SYTL2: variants seen among roughly 807,000 people sequenced by gnomAD.
SYTL2 encodes the protein synaptotagmin-like protein 2.
A neutral mutation model predicts 198.7 loss-of-function variants in SYTL2; 165 were observed. That is an observed-to-expected ratio of 0.83 (90% confidence interval 0.73 to 0.94). The LOEUF (loss-of-function observed/expected upper bound fraction) is 0.94, where lower values mean the gene tolerates loss of function less well. SYTL2 is among the 40% of genes least tolerant of loss of function. SYTL2 has a pLI of 0.00. For synonymous variants in SYTL2, 966 were observed against 917.7 expected (o/e 1.05, Z -0.95); for missense variants, 2,835 against 2,582.8 (o/e 1.10, Z -2.12).
At chr11:85,758,930 A>G (rs1447228515) in intron 1 of SYTL2, among the ~76,000 whole-genome samples, 1 of 152,248 alleles carries the variant, frequency 6.6e-6, no homozygotes, top group Admixed American at 6.5e-5. Context: ...TGCTGAACAT[A>G]CACACTAAAA....
intron 11 of SYTL2, chr11:85,717,155 C>T (rs1490049465): frequency 6.0e-6 from 1 of 167,754 alleles, no homozygotes; most frequent in Non-Finnish European, 1.3e-5. Flanking sequence ...AACATAAAAA[C>T]CAAATGAAAT....
At chr11:85,749,572 A>C (rs1297867026) in intron 2 of SYTL2, among the ~76,000 whole-genome samples, 1 of 152,130 alleles carries the variant, frequency 6.6e-6, no homozygotes, top group Admixed American at 6.5e-5. Context: ...GTGCCTGGAG[A>C]GTGTCCTTCC....
chr11:85,796,829 T>C (rs938454631), intron 1 of SYTL2, among the ~76,000 whole-genome samples: 7 of 152,252 alleles, frequency 4.6e-5, no homozygotes, highest in Non-Finnish European at 7.3e-5. Context: ...TATATACTTT[T>C]AAATAAACTT....
intron 13 of SYTL2, among the ~76,000 whole-genome samples, chr11:85,709,874 G>T (rs567242678): frequency 6.6e-6 from 1 of 152,236 alleles, no homozygotes; most frequent in South Asian, 2.1e-4. Context: ...GTAGAGATGG[G>T]GTTTCACCAG....
rs762609501 is a variant in SYTL2 at position 85,725,800 on chromosome 11, T to C, written c.3558A>G (p.Gly1186=). ...DFADTEEEVK[G]PEKIINEHVD... is the part of the protein sequence containing the mutation. ...CATGCTCATTAATGATCTTCTCAGGTCCTTTGACTTCTTCCTCAGTATCAG... is the reference window on the plus strand; with the variant it reads ...CATGCTCATTAATGATCTTCTCAGGCCCTTTGACTTCTTCCTCAGTATCAG... Residue 1186 remains glycine (G), a synonymous_variant, in exon 8 of 20, where the codon GGA becomes GGG. Transcript: ENST00000359152. 2.5e-6 allele frequency: 4 copies of C among 1,614,138 alleles called. No homozygotes were observed. The highest frequency in any genetic ancestry group is 1.7e-5 in the Admixed American group (1 of 60,022).
intron 13 of SYTL2, among the ~76,000 whole-genome samples, chr11:85,710,809 GT>G (rs1309702203): frequency 6.6e-6 from 1 of 152,088 alleles, no homozygotes; most frequent in Non-Finnish European, 1.5e-5. Flanking sequence ...TTTTATCATA[GT>G]TACCCCATTT....
At chr11:85,793,866 C>T (rs1447245619) in intron 1 of SYTL2, among the ~76,000 whole-genome samples, 2 of 152,192 alleles carry the variant, frequency 1.3e-5, no homozygotes, top group African/African-American at 4.8e-5. Context: ...TTCCCTCATA[C>T]AGATATGAAC....
At chr11:85,823,931 C>T in the SYTL2 span, among the ~76,000 whole-genome samples, 1 of 152,192 alleles carries the variant, frequency 6.6e-6, no homozygotes, top group Non-Finnish European at 1.5e-5. Flanking sequence ...CAGCCACCTT[C>T]ATGTTCAGAG....
the SYTL2 span, among the ~76,000 whole-genome samples, chr11:85,842,571 T>A: frequency 1.8e-4 from 28 of 152,188 alleles, no homozygotes; most frequent in Non-Finnish European, 3.4e-4. Context: ...TACCATAGCT[T>A]TCTAAGACTC....
rs762600720 is a variant in SYTL2 at position 85,745,743 on chromosome 11, C to G, written c.283G>C (p.Ala95Pro). 3.1e-6 allele frequency: 5 copies of G among 1,613,386 alleles called. No homozygotes were observed. Among genetic ancestry groups the G allele is most frequent in the Non-Finnish European group, 4.2e-6 (5 of 1,179,516 alleles). ...ACATTATTCACCCAGCTTTCCTTTG[C>G]CCCATTTTCTCTGTCTTTACTCTGC... The part of the protein sequence containing the change: ...AEQSKDRENG[A>P]KESWVNNVNK... Residue 95 changes from alanine (A) to proline (P), a missense_variant, in exon 4 of 20, where the codon GCA becomes CCA. Around this residue, in one of 3 missense-constraint regions of SYTL2, gnomAD observed 2,645 missense variants for 2,381.7 expected, o/e 1.11. Transcript: ENST00000359152.
chr11:85,718,645 C>G, intron 10 of SYTL2, 145 bp downstream of exon 10: 1 of 667,764 alleles, frequency 1.5e-6, no homozygotes, highest in Non-Finnish European at 2.6e-6. Flanking sequence ...CAAATCAGAA[C>G]TGTTTTATAG....
chr11:85,745,811 C>T (rs1369690013), intron 3 of SYTL2, 39 bp from the exon 4 acceptor site: 22 of 1,582,148 alleles, frequency 1.4e-5, no homozygotes, highest in Non-Finnish European at 1.9e-5. Context: ...GGTTATCTCT[C>T]ACCTCCATGA....
chr11:85,815,892 G>A (rs1345679128), upstream of SYTL2, among the ~76,000 whole-genome samples: 6 of 152,142 alleles, frequency 3.9e-5, no homozygotes, highest in East Asian at 3.8e-4. Flanking sequence ...GGCTGGGCAC[G>A]GTGACTCATT....
rs1438602885 is a variant in SYTL2, at chr11:85,734,346, T to G, written c.983A>C (p.Glu328Ala). ...AGAGAATCTCACATGCTTTAATGGCTCCAGGGAGTTTGGGGAAGAGTTGTC... is the reference window on the plus strand; with the variant it reads ...AGAGAATCTCACATGCTTTAATGGCGCCAGGGAGTTTGGGGAAGAGTTGTC... Reference protein sequence around the residue: ...LEDNSSPNSLEPLKHVRFSAV... With the variant: ...LEDNSSPNSLAPLKHVRFSAV... Residue 328 changes from glutamate to alanine, a missense_variant, in exon 7 of 20, where the codon GAG becomes GCG. By Grantham distance (107) the Glu-to-Ala change is moderately radical (BLOSUM62 -1). Coordinates refer to ENST00000359152, the MANE Select transcript of SYTL2 (RefSeq NM_206927.4). The G allele has an allele frequency of 1.2e-6, 2 of 1,614,230 alleles. No individual in the cohort carries two copies. The highest frequency in any genetic ancestry group is 1.7e-6 in the Non-Finnish European group (2 of 1,180,022).
intron 1 of SYTL2, among the ~76,000 whole-genome samples, chr11:85,792,629 A>T (rs1024558791): frequency 1.1e-4 from 16 of 146,200 alleles, no homozygotes; most frequent in Non-Finnish European, 1.8e-4. Context: ...TTTTTTTTTT[A>T]ATTTTATTAT....
Position 85,708,339 on chromosome 11 carries a change from A to T in SYTL2, c.5916-808T>A, listed in dbSNP as rs182648036. 2.1e-3 allele frequency among the ~76,000 whole-genome samples: 322 copies of T among 152,268 alleles called. 3 individuals are homozygous for T. The highest frequency in any genetic ancestry group is 7.4e-3 in the African/African-American group (308 of 41,540). ...TCAAGTTATCTTCAATGTTAAAAAA[A>T]TAAAGGATGTTGAGCTCAGTTGTTT... On this transcript the variant is annotated intron_variant, in intron 14 of 19. Coordinates refer to ENST00000359152, the MANE Select transcript of SYTL2 (RefSeq NM_206927.4).
intron 1 of SYTL2, among the ~76,000 whole-genome samples, chr11:85,782,758 G>A (rs555799679): frequency 6.6e-6 from 1 of 152,112 alleles, no homozygotes; most frequent in South Asian, 2.1e-4. Context: ...TCTCTCTCTA[G>A]TTCAAATCTC....
intron 6 of SYTL2, among the ~76,000 whole-genome samples, chr11:85,735,706 G>A (rs1016682752): frequency 3.3e-5 from 5 of 151,784 alleles, no homozygotes; most frequent in African/African-American, 7.3e-5. Flanking sequence ...GCAGTGAGCC[G>A]AGATTGCACC....
chr11:85,787,025 C>T (rs2092646731), intron 1 of SYTL2, among the ~76,000 whole-genome samples: 1 of 152,132 alleles, frequency 6.6e-6, no homozygotes, highest in Non-Finnish European at 1.5e-5. Flanking sequence ...GCTGAAAATT[C>T]ACAATGTTTT....
Sources: gnomAD v4.1 joint callset for allele counts (sites outside exome capture counted in the v4.1 genomes callset) on GRCh38, gnomAD v4.1.1 for gene constraint, gnomAD v4.1.1 regional missense constraint, MANE v1.5 for transcripts, NCBI Gene and HGNC (gene_info 2026-07-23, HGNC 2026-07-21) for gene names.